PREX2: variants seen among roughly 807,000 people sequenced by gnomAD.
PREX2 encodes the protein phosphatidylinositol-3,4,5-trisphosphate dependent Rac exchange factor 2.
PREX2 carries 107 observed loss-of-function variants against 203.2 expected under a neutral mutation model. The ratio of observed to expected loss-of-function variants is 0.53; its 90% CI spans 0.45 to 0.62. The LOEUF (loss-of-function observed/expected upper bound fraction) is 0.62. Ranked by LOEUF, PREX2 falls within the 20% of genes least tolerant of loss-of-function variation. The pLI is 0.00. For missense variants in PREX2, 1,777 were observed against 1,955.9 expected, an observed-to-expected ratio of 0.91 and a Z score of 1.72; for synonymous variants, 672 against 663.6, an observed-to-expected ratio of 1.01 and a Z score of -0.19.
intron 1 of PREX2, among the ~76,000 whole-genome samples, chr8:67,962,607 T>A (rs1423112366): frequency 2.1e-5 from 1 of 48,652 alleles, no homozygotes; most frequent in Non-Finnish European, 3.8e-5. Context: ...TATATTTTAT[T>A]TTTTTTTTTA....
intron 8 of PREX2, among the ~76,000 whole-genome samples, chr8:68,051,637 A>G (rs377682329): frequency 1.9e-4 from 29 of 152,272 alleles, no homozygotes; most frequent in African/African-American, 6.5e-4. Context: ...TTATTTTCCT[A>G]CTAATGCCCA....
At chr8:68,211,612 G>A (rs1216442499) in intron 37 of PREX2, among the ~76,000 whole-genome samples, 4 of 152,262 alleles carry the variant, frequency 2.6e-5, no homozygotes, top group Middle Eastern at 3.4e-3. Context: ...CCTGAGAGTC[G>A]AAGTAACCTG....
At chr8:68,088,015 T>C (rs1809753493) in intron 19 of PREX2, among the ~76,000 whole-genome samples, 1 of 152,192 alleles carries the variant, frequency 6.6e-6, no homozygotes, top group South Asian at 2.1e-4. Context: ...AAAAAATTGA[T>C]ATAAGAATTA....
intron 1 of PREX2, among the ~76,000 whole-genome samples, chr8:67,985,548 G>C (rs1806392122): frequency 6.6e-6 from 1 of 152,118 alleles, no homozygotes; most frequent in Non-Finnish European, 1.5e-5. Context: ...TGAGTGTGAT[G>C]ATTTACCGTG....
chr8:68,132,843 G>A (rs16934217), intron 31 of PREX2, among the ~76,000 whole-genome samples: 17,233 of 152,136 alleles, frequency 0.11, 1,252 homozygotes, highest in East Asian at 0.2. Flanking sequence ...TGGAATGTGT[G>A]GCTTTGTGTT....
intron 35 of PREX2, among the ~76,000 whole-genome samples, chr8:68,160,877 A>G (rs1296933104): frequency 1.3e-5 from 2 of 152,144 alleles, no homozygotes; most frequent in African/African-American, 4.8e-5. Context: ...AAAGGTAAAC[A>G]AAAGATTTTT....
chr8:67,995,374 G>A (rs1806737128), intron 1 of PREX2, among the ~76,000 whole-genome samples: 1 of 152,108 alleles, frequency 6.6e-6, no homozygotes, highest in Non-Finnish European at 1.5e-5. Context: ...ATTATCATTT[G>A]TAGTCCTAAA....
At chr8:68,133,620 T>G (rs1811051791) in intron 31 of PREX2, among the ~76,000 whole-genome samples, 1 of 152,218 alleles carries the variant, frequency 6.6e-6, no homozygotes, top group Admixed American at 6.5e-5. Flanking sequence ...GGTTTAGTTG[T>G]TAATTTTTAA....
At chr8:68,215,736 A>ACC (rs1334888770) in intron 37 of PREX2, among the ~76,000 whole-genome samples, 1 of 151,866 alleles carries the variant, frequency 6.6e-6, no homozygotes, top group Non-Finnish European at 1.5e-5. Context: ...ACGAGGTTTC[A>ACC]CCGTGTTAAC....
chr8:68,218,169 A>C (rs1251012511), intron 38 of PREX2, among the ~76,000 whole-genome samples: 3 of 152,088 alleles, frequency 2.0e-5, no homozygotes, highest in Non-Finnish European at 4.4e-5. Context: ...CAGTGTGTAC[A>C]TTTTTCTGAG....
intron 37 of PREX2, among the ~76,000 whole-genome samples, chr8:68,203,075 G>A (rs1812539330): frequency 6.6e-6 from 1 of 152,108 alleles, no homozygotes; most frequent in Non-Finnish European, 1.5e-5. Flanking sequence ...GTCTCCTTCA[G>A]AAACACCCTC....
chr8:68,181,564 A>G (rs947616768), intron 35 of PREX2, among the ~76,000 whole-genome samples: 2 of 152,124 alleles, frequency 1.3e-5, no homozygotes, highest in Non-Finnish European at 2.9e-5. Context: ...TTTTCCTATT[A>G]TAACTACAAT....
intron 25 of PREX2, among the ~76,000 whole-genome samples, chr8:68,110,399 T>A (rs556472445): frequency 1.3e-5 from 2 of 152,286 alleles, no homozygotes; most frequent in African/African-American, 4.8e-5. Context: ...ATTACAAGTT[T>A]GTGGTCATGA....
chr8:68,037,221 C>T (rs991794633), intron 6 of PREX2, among the ~76,000 whole-genome samples: 1 of 152,130 alleles, frequency 6.6e-6, no homozygotes, highest in Non-Finnish European at 1.5e-5. Context: ...GAAATTTACT[C>T]CAGATTTAAA....
At chr8:68,016,684 A>G (rs1807416519) in intron 1 of PREX2, among the ~76,000 whole-genome samples, 1 of 152,104 alleles carries the variant, frequency 6.6e-6, no homozygotes, top group Non-Finnish European at 1.5e-5. Flanking sequence ...GCGTGTGACT[A>G]TGGCTCCCTG....
Position 68,120,191 on chromosome 8 carries a change from G to T in PREX2, c.3505-5G>T, listed in dbSNP as rs61753701. 1.3e-6 allele frequency: 2 copies of T among 1,591,010 alleles called. No homozygotes were observed. The highest frequency in any genetic ancestry group is 1.7e-6 in the Non-Finnish European group (2 of 1,159,148). ...ATGTAACTCGGAAATCTCTACTATTGATAGGTGGATTCAATTACCAATCTC... is the reference window on the plus strand; with the variant it reads ...ATGTAACTCGGAAATCTCTACTATTTATAGGTGGATTCAATTACCAATCTC... On this transcript the variant is annotated splice_region_variant and splice_polypyrimidine_tract_variant and intron_variant, in intron 28 of 39. Transcript: ENST00000288368.
rs1810647910 is a variant in PREX2, at chr8:68,115,907, A to G, written c.3301A>G (p.Thr1101Ala). ...GDEQEDSGHD[T>A]ISNRDSYSDC... Reference sequence around the variant, plus strand: ...TGAACAGGAAGATTCTGGTCATGACACCATCAGCAACAGAGACTCTTACAG... The same window carrying G: ...TGAACAGGAAGATTCTGGTCATGACGCCATCAGCAACAGAGACTCTTACAG... Residue 1101 changes from threonine (T) to alanine (A), a missense_variant, in exon 26 of 40, where the codon ACC (threonine) becomes GCC (alanine). Thr to Ala is a moderately conservative substitution (Grantham distance 58, BLOSUM62 0). Transcript: ENST00000288368. The G allele has an allele frequency of 6.2e-7, 1 of 1,612,244 alleles. No homozygotes were observed. The highest frequency in any genetic ancestry group is 8.5e-7 in the Non-Finnish European group (1 of 1,179,372).
intron 37 of PREX2, among the ~76,000 whole-genome samples, chr8:68,199,501 G>A (rs1271084125): frequency 3.3e-5 from 5 of 152,148 alleles, no homozygotes; most frequent in Non-Finnish European, 7.4e-5. Flanking sequence ...AATGTAAACT[G>A]TCTTCTAACT....
At chr8:67,956,207 C>T (rs1027202441) in intron 1 of PREX2, among the ~76,000 whole-genome samples, 1 of 152,170 alleles carries the variant, frequency 6.6e-6, no homozygotes, top group Non-Finnish European at 1.5e-5. Context: ...ACCTGACATC[C>T]AGTATTTAAC....
Sources: gnomAD v4.1 joint callset for allele counts (sites outside exome capture counted in the v4.1 genomes callset) on GRCh38, gnomAD v4.1.1 for gene constraint, MANE v1.5 for transcripts, NCBI Gene and HGNC (gene_info 2026-07-23, HGNC 2026-07-21) for gene names.